The following PAX3 variants were observed in gnomAD, a reference collection of about 807,000 sequenced individuals.
The protein encoded by PAX3 is paired box 3.
In PAX3, 14 loss-of-function variants were observed where a neutral mutation model predicts 51.6. The ratio of observed to expected loss-of-function variants is 0.27; its 90% confidence interval spans 0.18 to 0.42. The LOEUF is 0.42. Ranked by LOEUF, PAX3 falls within the 10% of genes least tolerant of loss-of-function variation. The probability of loss-of-function intolerance (pLI) is 1.00; values close to 1 mark genes in which losing one functional copy is unlikely to be tolerated. For synonymous variants in PAX3, 280 were observed against 253.4 expected, an observed-to-expected ratio of 1.11 and a Z score of -1.00; for missense variants, 540 against 642.8, an observed-to-expected ratio of 0.84 and a Z score of 1.73.
Position 222,202,715 on chromosome 2 carries a change from C to T in PAX3, c.1174-525G>A, listed in dbSNP as rs182115406. On this transcript the variant is annotated intron_variant, in intron 7 of 8. Transcript: ENST00000392070. ...GCCTTTTTTTTTTTAAATAGTGTTC[C>T]CTCTCAAGAAAGCCCCTTTCCTTAT... Among the ~76,000 whole-genome samples the T allele has an allele frequency of 7.3e-5, 11 of 150,518 alleles. No homozygotes were observed. The East Asian group carries it at 2.2e-3, about 30-fold the overall frequency.
chr2:222,282,010 C>T (rs1694664354), intron 4 of PAX3, among the ~76,000 whole-genome samples: 1 of 152,174 alleles, frequency 6.6e-6, no homozygotes. Context: ...GGCCTGGCAG[C>T]AAGAACAGTC....
intron 4 of PAX3, among the ~76,000 whole-genome samples, chr2:222,251,258 C>T (rs993692676): frequency 6.6e-6 from 1 of 152,102 alleles, no homozygotes; most frequent in South Asian, 2.1e-4. Flanking sequence ...TCCACCCTCC[C>T]CCAACCCCAC....
At chr2:222,253,176 TC>T (rs1693503662) in intron 4 of PAX3, among the ~76,000 whole-genome samples, 1 of 152,106 alleles carries the variant, frequency 6.6e-6, no homozygotes, top group African/African-American at 2.4e-5. Context: ...ACACAAATGA[TC>T]AGTTGGGTGA....
At chr2:222,219,807 C>G (rs548961484) in intron 7 of PAX3, among the ~76,000 whole-genome samples, 112 of 152,110 alleles carry the variant, frequency 7.4e-4, no homozygotes, top group Non-Finnish European at 1.4e-3. Flanking sequence ...AAAAACAAAA[C>G]AAAAAACCTG....
In PAX3 at chr2:222,294,305, G is replaced by T. The variant is rs1296304401; in HGVS notation, c.452-4C>A. The T allele has an allele frequency of 6.2e-7, 1 of 1,614,000 alleles. No individual in the cohort carries two copies. Among genetic ancestry groups the T allele is most frequent in the African/African-American group, 1.3e-5 (1 of 74,910 alleles). ...AGGATGCGGCTGATGGAACTCACTG[G>T]GGGCGGGAGGAGGAAGGAAGCAAGG... On this transcript the variant is annotated splice_polypyrimidine_tract_variant and splice_region_variant and intron_variant, in intron 3 of 8. Coordinates refer to ENST00000392070, the MANE Select transcript of PAX3 (RefSeq NM_181458.4).
At chr2:222,258,096 A>T (rs1365310652) in intron 4 of PAX3, among the ~76,000 whole-genome samples, 1 of 152,264 alleles carries the variant, frequency 6.6e-6, no homozygotes, top group East Asian at 1.9e-4. Flanking sequence ...AATTAAGATG[A>T]ATCCTCCAAC....
chr2:222,260,847 A>G (rs1274739348), intron 4 of PAX3, among the ~76,000 whole-genome samples: 1 of 152,092 alleles, frequency 6.6e-6, no homozygotes, highest in Non-Finnish European at 1.5e-5. Context: ...CCGGCCTCCC[A>G]AAGTGCTGGA....
intron 5 of PAX3, chr2:222,221,733 G>A (rs929199895): frequency 1.3e-5 from 4 of 318,510 alleles, no homozygotes; most frequent in East Asian, 7.6e-5. Flanking sequence ...GCCTTCTGGG[G>A]AGGATACATG....
chr2:222,284,262 G>A (rs1184886413), intron 4 of PAX3, among the ~76,000 whole-genome samples: 1 of 152,140 alleles, frequency 6.6e-6, no homozygotes, highest in African/African-American at 2.4e-5. Flanking sequence ...TCCCCAAAAT[G>A]AAAGACTATA....
intron 7 of PAX3, among the ~76,000 whole-genome samples, chr2:222,213,127 C>T (rs901664303): frequency 3.3e-5 from 5 of 152,140 alleles, no homozygotes; most frequent in Non-Finnish European, 7.4e-5. Context: ...ATTTCAGTGA[C>T]GTGATGTAAG....
At position 222,203,012 on chromosome 2, in the gene PAX3, CATATATATATATATAT is replaced by C. The variant is rs71053057; in HGVS notation, c.1174-838_1174-823del. Among the ~76,000 whole-genome samples, 171 of 41,186 alleles carry C rather than the reference CATATATATATATATAT, an allele frequency of 4.2e-3. 3 individuals are homozygous for C. The highest frequency in any genetic ancestry group is 0.035 in the East Asian group (12 of 344). The allele number at this position is 41,186 out of a possible 152,430, so 27.0% of individuals were successfully genotyped here. ...TTATTTCTTCTCTAAACAACCATTTCATATATATATATATATATATATATATATATATATATATATA... is the reference window on the plus strand; with the variant it reads ...TTATTTCTTCTCTAAACAACCATTTCATATATATATATATATATATATATA... On this transcript the variant is annotated intron_variant, in intron 7 of 8. Transcript: ENST00000392070.
chr2:222,282,843 G>A, intron 4 of PAX3, among the ~76,000 whole-genome samples: 1 of 152,228 alleles, frequency 6.6e-6, no homozygotes, highest in Middle Eastern at 3.2e-3. Context: ...TAGAATATTG[G>A]AGGAATGTCC....
chr2:222,287,221 A>G (rs1416295681), intron 4 of PAX3, among the ~76,000 whole-genome samples: 2 of 152,242 alleles, frequency 1.3e-5, no homozygotes, highest in African/African-American at 4.8e-5. Flanking sequence ...GAGGATGGCC[A>G]TTAGGGGATT....
intron 4 of PAX3, among the ~76,000 whole-genome samples, chr2:222,268,465 C>T (rs913046433): frequency 6.6e-5 from 10 of 152,252 alleles, no homozygotes; most frequent in African/African-American, 2.4e-4. Context: ...ACCTACTATC[C>T]GCCTGCTCTC....
chr2:222,228,133 C>G, intron 5 of PAX3, among the ~76,000 whole-genome samples: 1 of 152,172 alleles, frequency 6.6e-6, no homozygotes, highest in South Asian at 2.1e-4. Context: ...TGATTAACTA[C>G]TCCCTTCTTT....
chr2:222,288,366 A>C (rs568326569), intron 4 of PAX3, among the ~76,000 whole-genome samples: 253 of 152,360 alleles, frequency 1.7e-3, no homozygotes, highest in Non-Finnish European at 3.0e-3. Context: ...CTAACAATGC[A>C]CATACATACA....
intron 4 of PAX3, among the ~76,000 whole-genome samples, chr2:222,288,624 G>A (rs528574467): frequency 6.6e-6 from 1 of 152,106 alleles, no homozygotes; most frequent in Non-Finnish European, 1.5e-5. Flanking sequence ...TTAGCAACAG[G>A]CAGATAGTAG....
At chr2:222,293,515 AC>A in intron 4 of PAX3, 1 of 966,256 alleles carries the variant, frequency 1.0e-6, no homozygotes, top group East Asian at 2.5e-5. Flanking sequence ...GGGTGCCAGC[AC>A]TCTAAGAACC....
chr2:222,219,785 A>T (rs1692111761), intron 7 of PAX3, among the ~76,000 whole-genome samples: 1 of 152,178 alleles, frequency 6.6e-6, no homozygotes, highest in Non-Finnish European at 1.5e-5. Context: ...TTTTAAATAC[A>T]ATTTAAAACA....
Sources: allele counts gnomAD v4.1 joint callset (sites outside exome capture counted in the v4.1 genomes callset), GRCh38; gene constraint gnomAD v4.1.1; transcripts MANE v1.5; gene names NCBI Gene and HGNC (gene_info 2026-07-23, HGNC 2026-07-21).